Variants in CTNNA2 observed in about 807,000 individuals in gnomAD.
The protein encoded by CTNNA2 is catenin alpha-2.
A neutral mutation model predicts 101.0 loss-of-function variants in CTNNA2; 42 were observed. The observed-to-expected ratio is 0.42, with a 90% confidence interval of 0.32 to 0.54. The LOEUF (loss-of-function observed/expected upper bound fraction) is 0.54, where lower values mean the gene tolerates loss of function less well. Among genes scored for constraint, CTNNA2 ranks in the 20% least tolerant of loss-of-function variants. The pLI is 0.14. For missense variants in CTNNA2, 871 were observed against 1,223.1 expected, an observed-to-expected ratio of 0.71 and a Z score of 4.29; for synonymous variants, 450 against 456.4, an observed-to-expected ratio of 0.99 and a Z score of 0.18.
At chr2:80,212,318 A>C (rs543429355) in intron 7 of CTNNA2, among the ~76,000 whole-genome samples, 2 of 152,146 alleles carry the variant, frequency 1.3e-5, no homozygotes. Flanking sequence ...GAATGCTTCA[A>C]GTTTTTGCCC....
chr2:80,278,817 A>AT (rs1674126228), intron 7 of CTNNA2, among the ~76,000 whole-genome samples: 1 of 151,712 alleles, frequency 6.6e-6, no homozygotes, highest in South Asian at 2.1e-4. Context: ...AAATTAAAAA[A>AT]ATATATATAT....
chr2:79,216,525 G>A (rs1674262284), intron 2 of CTNNA2, among the ~76,000 whole-genome samples: 1 of 151,806 alleles, frequency 6.6e-6, no homozygotes, highest in Non-Finnish European at 1.5e-5. Flanking sequence ...AAGAGGTTGG[G>A]GTGCAGAAAT....
chr2:79,401,024 T>C (rs1353019676), intron 4 of CTNNA2, among the ~76,000 whole-genome samples: 1 of 151,742 alleles, frequency 6.6e-6, no homozygotes, highest in Non-Finnish European at 1.5e-5. Context: ...TCAAAAATAA[T>C]AGAGAAATTA....
At chr2:80,475,307 C>G (rs1194673770) in intron 9 of CTNNA2, among the ~76,000 whole-genome samples, 1 of 152,046 alleles carries the variant, frequency 6.6e-6, no homozygotes, top group Non-Finnish European at 1.5e-5. Context: ...GCATTTTTTC[C>G]CCTTTATTTT....
intron 4 of CTNNA2, among the ~76,000 whole-genome samples, chr2:79,416,060 AT>A (rs1333580556): frequency 6.6e-6 from 1 of 152,114 alleles, no homozygotes; most frequent in Non-Finnish European, 1.5e-5. Context: ...ATAGGCAGCT[AT>A]TAATAAGATA....
At chr2:79,484,404 A>T (rs1431989419) in intron 4 of CTNNA2, among the ~76,000 whole-genome samples, 2 of 152,042 alleles carry the variant, frequency 1.3e-5, no homozygotes, top group African/African-American at 4.8e-5. Context: ...AGGTGGGGTA[A>T]GTGGGTCTGA....
intron 11 of CTNNA2, among the ~76,000 whole-genome samples, chr2:80,553,573 A>C (rs1010925369): frequency 3.3e-5 from 5 of 152,206 alleles, no homozygotes; most frequent in Non-Finnish European, 2.9e-5. Flanking sequence ...TAATATAATT[A>C]ACAGACGTCT....
chr2:80,268,101 T>A (rs1253999949), intron 7 of CTNNA2, among the ~76,000 whole-genome samples: 1 of 152,224 alleles, frequency 6.6e-6, no homozygotes, highest in Non-Finnish European at 1.5e-5. Context: ...TTCTGGAAAC[T>A]TCTACCAGCC....
chr2:80,082,016 T>C (rs1699184305), intron 7 of CTNNA2, among the ~76,000 whole-genome samples: 1 of 152,150 alleles, frequency 6.6e-6, no homozygotes. Flanking sequence ...TGGGTGATTA[T>C]ATTAATATTG....
intron 1 of CTNNA2, among the ~76,000 whole-genome samples, chr2:79,568,858 C>CA (rs540965419): frequency 0.039 from 2,702 of 68,874 alleles, 349 homozygotes; most frequent in African/African-American, 0.085. Flanking sequence ...TCTGTTTCTA[C>CA]AAAAAAAAAA....
intron 4 of CTNNA2, among the ~76,000 whole-genome samples, chr2:79,395,411 T>G (rs1046794705): frequency 6.6e-6 from 1 of 151,504 alleles, no homozygotes; most frequent in Non-Finnish European, 1.5e-5. Context: ...CCCACAACAG[T>G]CCCTGGTGTG....
chr2:79,921,338 A>C (rs1274781352), intron 7 of CTNNA2, among the ~76,000 whole-genome samples: 3 of 152,196 alleles, frequency 2.0e-5, no homozygotes, highest in Non-Finnish European at 4.4e-5. Context: ...CTTTGTAAGA[A>C]ATCATCAAGT....
chr2:79,226,963 T>C (rs959726116), intron 2 of CTNNA2, among the ~76,000 whole-genome samples: 1 of 130,422 alleles, frequency 7.7e-6, no homozygotes, highest in Non-Finnish European at 1.6e-5. Context: ...GATGGAGAGC[T>C]CTGAGGGACT....
rs115058090 is a variant in CTNNA2, at chr2:79,260,228, C to T, written c.-405-52481C>T. Among the ~76,000 whole-genome samples, 1,108 of 152,232 alleles carry T rather than the reference C, an allele frequency of 7.3e-3. 14 individuals carry two copies. The highest frequency in any genetic ancestry group is 0.025 in the African/African-American group (1,025 of 41,562). Reference sequence around the variant, plus strand: ...CTCACCCACCTTGCCTCATTACTATCAGCTCAAGGAAGTGTTCTCCCACGG... The same window carrying T: ...CTCACCCACCTTGCCTCATTACTATTAGCTCAAGGAAGTGTTCTCCCACGG... On this transcript the variant is annotated intron_variant, in intron 2 of 21. Coordinates refer to the CTNNA2 transcript ENST00000466387.
At chr2:79,264,732 TA>T (rs1189296066) in intron 2 of CTNNA2, among the ~76,000 whole-genome samples, 1 of 95,614 alleles carries the variant, frequency 1.0e-5, no homozygotes, top group Admixed American at 9.1e-5. Context: ...TGCTGCAACC[TA>T]TTTTTTTTTT....
chr2:80,623,321 CAT>C (rs1436758006), intron 18 of CTNNA2, among the ~76,000 whole-genome samples: 2 of 151,912 alleles, frequency 1.3e-5, no homozygotes, highest in Non-Finnish European at 2.9e-5. Flanking sequence ...TTTTAAAAGA[CAT>C]ATTGTGACCA....
intron 4 of CTNNA2, among the ~76,000 whole-genome samples, chr2:79,438,719 A>G (rs1678746042): frequency 6.6e-6 from 1 of 152,220 alleles, no homozygotes; most frequent in Non-Finnish European, 1.5e-5. Context: ...CACCTAGGCC[A>G]GCAATCCTCA....
chr2:79,815,051 T>G (rs1175611767), intron 3 of CTNNA2, among the ~76,000 whole-genome samples: 2 of 152,186 alleles, frequency 1.3e-5, no homozygotes, highest in Non-Finnish European at 2.9e-5. Context: ...TTTTCACATG[T>G]TGGTTGGCCA....
At chr2:79,211,170 T>TA (rs1430476611) in intron 2 of CTNNA2, among the ~76,000 whole-genome samples, 1 of 152,224 alleles carries the variant, frequency 6.6e-6, no homozygotes, top group African/African-American at 2.4e-5. Flanking sequence ...GTTTAAATCT[T>TA]ACCTTTCACA....
Sources: allele counts gnomAD v4.1 joint callset (sites outside exome capture counted in the v4.1 genomes callset), GRCh38; gene constraint gnomAD v4.1.1; transcripts MANE v1.5; gene names NCBI Gene and HGNC (gene_info 2026-07-23, HGNC 2026-07-21).